TRIP11: variants seen among roughly 807,000 people sequenced by gnomAD.
The protein encoded by TRIP11 is thyroid receptor-interacting protein 11.
TRIP11 carries 148 observed loss-of-function variants against 223.1 expected under a neutral mutation model. The observed-to-expected ratio is 0.66, with a 90% CI of 0.58 to 0.76. The LOEUF (loss-of-function observed/expected upper bound fraction) is 0.76, where lower values mean the gene tolerates loss of function less well. Among genes scored for constraint, TRIP11 ranks in the 30% least tolerant of loss-of-function variants. The probability of loss-of-function intolerance (pLI) is 0.00; values close to 1 mark genes in which losing one functional copy is unlikely to be tolerated. For synonymous variants in TRIP11, 762 were observed against 772.6 expected (o/e 0.99, Z 0.23); for missense variants, 2,043 against 2,222.0 (o/e 0.92, Z 1.62).
intron 2 of TRIP11, among the ~76,000 whole-genome samples, chr14:92,032,005 T>C (rs1176183872): frequency 6.6e-6 from 1 of 151,944 alleles, no homozygotes; most frequent in Non-Finnish European, 1.5e-5. Context: ...ATCTTTATTT[T>C]TTGTAACCGG....
chr14:91,976,944 A>C (rs1474307978), intron 16 of TRIP11, among the ~76,000 whole-genome samples: 1 of 152,230 alleles, frequency 6.6e-6, no homozygotes, highest in Non-Finnish European at 1.5e-5. Context: ...GGATTTCTGG[A>C]CTAAGGAACT....
In TRIP11 at chr14:92,005,896, C is replaced by T. The variant is rs2056895205; in HGVS notation, c.2080G>A (p.Glu694Lys). The change falls in exon 11 of 21, where the codon GAA becomes AAA. Residue 694 changes from glutamate (E) to lysine (K), a missense_variant. Physicochemically the swap from Glu to Lys is moderately conservative, Grantham distance 56. Transcript: ENST00000267622. ...LACEDVRHQL[E>K]ECLAGNNQLS... The stretch of plus-strand genomic sequence containing the variant: ...TGATTGTTACCAGCAAGACATTCTT[C>T]TAACTGATGCCTCACATCTTCACAT... 6.2e-7 allele frequency: 1 copy of T among 1,613,852 alleles called. No homozygotes were observed. The highest frequency in any genetic ancestry group is 1.7e-5 in the Admixed American group (1 of 59,998).
chr14:91,978,029 G>A lies in TRIP11; in HGVS notation c.5261-1840C>T, dbSNP rs573482804. Among the ~76,000 whole-genome samples the A allele has an allele frequency of 5.3e-5, 8 of 152,162 alleles. No homozygotes were observed. Among genetic ancestry groups the A allele is most frequent in the South Asian group, 2.1e-4 (1 of 4,812 alleles). On this transcript the variant is annotated intron_variant, in intron 16 of 20. Coordinates refer to ENST00000267622, the MANE Select transcript of TRIP11 (RefSeq NM_004239.4). The surrounding 1 kb of genome is among the most constrained non-coding windows in gnomAD (Gnocchi z 4.4). ...TCCAGTAAGGAATTTAAACTTGGAC[G>A]AGAGAGGGAGAGAGAGAAGGGGAGA... is the stretch of plus-strand genomic sequence containing the variant.
intron 20 of TRIP11, 27 bp from the exon 21 acceptor site, chr14:91,969,920 T>C (rs747464273): frequency 6.3e-6 from 10 of 1,595,584 alleles, no homozygotes; most frequent in Non-Finnish European, 8.6e-6. Context: ...GGATTTAGTC[T>C]CCTATCTTTC....
intron 9 of TRIP11, 81 bp downstream of exon 9, chr14:92,010,905 C>G (rs1159823771): frequency 2.4e-6 from 3 of 1,271,672 alleles, no homozygotes; most frequent in South Asian, 2.4e-5. Flanking sequence ...ACTCAACATT[C>G]CATTTGGATA....
chr14:92,016,263 C>T lies in TRIP11; in HGVS notation c.658-402G>A, dbSNP rs112009641. Among the ~76,000 whole-genome samples, 388 of 152,266 alleles carry T rather than the reference C, an allele frequency of 2.5e-3. 4 individuals are homozygous for T. Among genetic ancestry groups the T allele is most frequent in the East Asian group, 0.013 (65 of 5,176 alleles). ...CCTCTCACTCAGCCTTTCCTTTCAC[C>T]AGTCTTATTGGGACTCCCAAACTGT... is the stretch of plus-strand genomic sequence containing the variant. On this transcript the variant is annotated intron_variant, in intron 5 of 20. Transcript: ENST00000267622.
intron 15 of TRIP11, 104 bp from the exon 16 acceptor site, chr14:91,988,487 G>T: frequency 1.0e-6 from 1 of 989,384 alleles, no homozygotes; most frequent in South Asian, 1.4e-5. Context: ...AGCTGGTGAA[G>T]CTGCACCTCT....
chr14:91,977,524 T>G (rs2056481510), intron 16 of TRIP11, among the ~76,000 whole-genome samples: 1 of 145,470 alleles, frequency 6.9e-6, no homozygotes, highest in African/African-American at 2.6e-5. Flanking sequence ...GCAACCTTGT[T>G]GGAAATCAAT....
intron 11 of TRIP11, among the ~76,000 whole-genome samples, chr14:92,001,640 A>G (rs568690672): frequency 3.6e-4 from 55 of 152,334 alleles, no homozygotes; most frequent in Non-Finnish European, 5.4e-4. Flanking sequence ...AGTGTTAATA[A>G]TATCTGCACA....
chr14:92,036,831 C>G (rs1222035221), intron 1 of TRIP11, among the ~76,000 whole-genome samples: 1 of 152,130 alleles, frequency 6.6e-6, no homozygotes, highest in Non-Finnish European at 1.5e-5. Flanking sequence ...AACTACTGGG[C>G]TCAAGCAAAC....
At chr14:91,984,312 CTTTTCT>C (rs1333086445) in intron 16 of TRIP11, among the ~76,000 whole-genome samples, 1 of 130,954 alleles carries the variant, frequency 7.6e-6, no homozygotes, top group Admixed American at 7.2e-5. Flanking sequence ...CATTTTTTTT[CTTTTCT>C]TTTTTTTTTT....
At chr14:92,029,492 C>T (rs2057235918) in intron 2 of TRIP11, among the ~76,000 whole-genome samples, 1 of 151,812 alleles carries the variant, frequency 6.6e-6, no homozygotes. Flanking sequence ...GATGGGGTTT[C>T]ACCATGTCGG....
chr14:92,019,610 A>AT (rs922031747), intron 4 of TRIP11, among the ~76,000 whole-genome samples: 60 of 151,786 alleles, frequency 4.0e-4, no homozygotes, highest in African/African-American at 1.3e-3. Flanking sequence ...TACTCATGTA[A>AT]TTTTTTTTTA....
chr14:92,005,488 C>T lies in TRIP11; in HGVS notation c.2488G>A (p.Glu830Lys), dbSNP rs1461848507. Residue 830 changes from glutamate (E) to lysine (K), a missense_variant, in exon 11 of 21, where the codon GAA (glutamate) becomes AAA (lysine). By Grantham distance (56) the Glu-to-Lys change is moderately conservative. Coordinates refer to ENST00000267622, the MANE Select transcript of TRIP11 (RefSeq NM_004239.4). The stretch of plus-strand genomic sequence containing the variant: ...AAGGCCTGAGAATATTTATCCAATT[C>T]CTCCTGCAGCTTTGAACTTCTTTCT... The part of the protein sequence containing the change: ...LKERSSKLQE[E>K]LDKYSQALRK... 1 of 1,613,898 alleles carries T rather than the reference C, an allele frequency of 6.2e-7. No individual in the cohort carries two copies. The highest frequency in any genetic ancestry group is 2.2e-5 in the East Asian group (1 of 44,866).
At chr14:91,977,437 T>C (rs528439339) in intron 16 of TRIP11, among the ~76,000 whole-genome samples, 2 of 152,292 alleles carry the variant, frequency 1.3e-5, no homozygotes, top group African/African-American at 2.4e-5. Flanking sequence ...TGGTGTGAGG[T>C]AGGGGTCCAA....
In TRIP11 at chr14:92,039,724, AAAG is replaced by A; in HGVS notation, c.-42_-40del. The A allele has an allele frequency of 6.3e-7, 1 of 1,598,742 alleles. No individual in the cohort carries two copies. Among genetic ancestry groups the A allele is most frequent in the Non-Finnish European group, 8.5e-7 (1 of 1,172,526 alleles). On this transcript the variant is annotated 5_prime_UTR_variant, in exon 1 of 21. Transcript: ENST00000267622. Reference sequence around the variant, plus strand: ...GAGAACGACCCGGTCCGCTCGGAAAAAAGAAAACGTTTAGCGCCGCCGGGCGAT... The same window carrying A: ...GAGAACGACCCGGTCCGCTCGGAAAAAAAACGTTTAGCGCCGCCGGGCGAT...
At chr14:92,033,827 T>G in intron 1 of TRIP11, among the ~76,000 whole-genome samples, 1 of 152,152 alleles carries the variant, frequency 6.6e-6, no homozygotes, top group Non-Finnish European at 1.5e-5. Context: ...TTTTTTGTAG[T>G]GCTTATCTGG....
chr14:92,020,542 C>T (rs1412879151), intron 4 of TRIP11, among the ~76,000 whole-genome samples: 6 of 151,816 alleles, frequency 4.0e-5, no homozygotes, highest in East Asian at 3.9e-4. Context: ...TCTAAGCAAG[C>T]GGTTTCAAAC....
At chr14:92,021,075 A>G (rs1426632643) in intron 4 of TRIP11, among the ~76,000 whole-genome samples, 2 of 147,128 alleles carry the variant, frequency 1.4e-5, no homozygotes, top group Non-Finnish European at 3.0e-5. Flanking sequence ...GTCTCAAAAA[A>G]AAAAAAAAAA....
Sources: gnomAD v4.1 joint callset for allele counts (sites outside exome capture counted in the v4.1 genomes callset) on GRCh38, gnomAD v4.1.1 for gene constraint, Gnocchi (gnomAD v3.1) non-coding constraint, MANE v1.5 for transcripts, NCBI Gene and HGNC (gene_info 2026-07-23, HGNC 2026-07-21) for gene names.